NTRK2: variants seen among roughly 807,000 people sequenced by gnomAD.
The protein encoded by NTRK2 is BDNF/NT-3 growth factors receptor.
Under a neutral mutation model 94.5 loss-of-function variants are expected in NTRK2, and 13 were observed. The observed-to-expected ratio is 0.14, with a 90% CI of 0.09 to 0.22. The LOEUF (loss-of-function observed/expected upper bound fraction) is 0.22. NTRK2 is among the 10% of genes least tolerant of loss of function. The probability of loss-of-function intolerance (pLI) is 1.00; values close to 1 mark genes in which losing one functional copy is unlikely to be tolerated. For missense variants in NTRK2, 639 were observed against 1,071.2 expected (o/e 0.60, Z 5.63); for synonymous variants, 372 against 407.4 (o/e 0.91, Z 1.05).
At chr9:84,938,863 C>A (rs2078298881) in intron 15 of NTRK2, among the ~76,000 whole-genome samples, 1 of 151,900 alleles carries the variant, frequency 6.6e-6, no homozygotes, top group South Asian at 2.1e-4. Flanking sequence ...CCAGCCTGGG[C>A]AACATGATGA....
chr9:85,010,994 A>C (rs768845252), intron 17 of NTRK2, among the ~76,000 whole-genome samples: 18 of 152,092 alleles, frequency 1.2e-4, no homozygotes, highest in Non-Finnish European at 2.4e-4. Context: ...CCCTGTATAC[A>C]CCTTATTAGG....
chr9:84,874,507 G>A (rs2075994955), intron 14 of NTRK2: 1 of 1,065,662 alleles, frequency 9.4e-7, no homozygotes. Flanking sequence ...CTGCTCTGAG[G>A]TTGATTGCTG....
intron 14 of NTRK2, among the ~76,000 whole-genome samples, chr9:84,870,160 C>T (rs1237668059): frequency 7.6e-6 from 1 of 131,012 alleles, no homozygotes; most frequent in Non-Finnish European, 1.6e-5. Context: ...CACACACATA[C>T]ATGTACTGTA....
At chr9:84,673,171 T>C (rs1033053693) in intron 2 of NTRK2, among the ~76,000 whole-genome samples, 11 of 152,194 alleles carry the variant, frequency 7.2e-5, no homozygotes, top group African/African-American at 2.7e-4. Context: ...AGTGCCTTTG[T>C]CTGTAACTCG....
intron 2 of NTRK2, among the ~76,000 whole-genome samples, chr9:84,688,876 G>A (rs113359922): frequency 3.5e-4 from 53 of 152,326 alleles, no homozygotes; most frequent in African/African-American, 1.3e-3. Flanking sequence ...GGGAGTTTGT[G>A]TAGGGGAGTG....
At chr9:84,695,633 G>A (rs2060329582) in intron 2 of NTRK2, among the ~76,000 whole-genome samples, 1 of 152,196 alleles carries the variant, frequency 6.6e-6, no homozygotes, top group African/African-American at 2.4e-5. Context: ...ATGACAAATA[G>A]CATGTACTGT....
At chr9:84,922,726 G>A (rs2077608122) in intron 14 of NTRK2, among the ~76,000 whole-genome samples, 5 of 152,156 alleles carry the variant, frequency 3.3e-5, no homozygotes, top group Admixed American at 2.6e-4. Flanking sequence ...CACAGCTAAT[G>A]TGCAATTAAC....
At chr9:85,017,222 C>T (rs1355019441) in intron 17 of NTRK2, among the ~76,000 whole-genome samples, 1 of 152,204 alleles carries the variant, frequency 6.6e-6, no homozygotes, top group African/African-American at 2.4e-5. Context: ...AAGAAAGCCA[C>T]ACCTCAAAAG....
chr9:84,756,971 C>G (rs1170045626), intron 12 of NTRK2, among the ~76,000 whole-genome samples: 2 of 152,128 alleles, frequency 1.3e-5, no homozygotes, highest in Non-Finnish European at 2.9e-5. Flanking sequence ...GGGGCCAAAG[C>G]TAAAGAGGTT....
intron 12 of NTRK2, among the ~76,000 whole-genome samples, chr9:84,795,104 T>C (rs1255722936): frequency 6.6e-6 from 1 of 152,112 alleles, no homozygotes; most frequent in Non-Finnish European, 1.5e-5. Context: ...AAAACTGGGA[T>C]TATATTCCGA....
At chr9:84,715,348 T>C (rs2061650515) in intron 6 of NTRK2, among the ~76,000 whole-genome samples, 1 of 152,190 alleles carries the variant, frequency 6.6e-6, no homozygotes, top group South Asian at 2.1e-4. Context: ...TCATTTCTTC[T>C]TTTTTCTTTA....
Position 84,939,526 on chromosome 9 carries a change from G to A in NTRK2, c.1764+5234G>A, listed in dbSNP as rs115273687. On this transcript the variant is annotated intron_variant, in intron 15 of 18. Coordinates refer to ENST00000277120, the MANE Select transcript of NTRK2 (RefSeq NM_006180.6). ...TATAAAGGAGTGTGTTAGTTATGTCGTTTATATGGAAGGATGGGAGACATG... is the reference window on the plus strand; with the variant it reads ...TATAAAGGAGTGTGTTAGTTATGTCATTTATATGGAAGGATGGGAGACATG... 6.2e-3 allele frequency among the ~76,000 whole-genome samples: 936 copies of A among 152,184 alleles called. 4 individuals are homozygous for A. The highest frequency in any genetic ancestry group is 0.021 in the African/African-American group (888 of 41,526).
intron 12 of NTRK2, among the ~76,000 whole-genome samples, chr9:84,830,538 C>CGTGT (rs60042932): frequency 0.03 from 4,384 of 145,998 alleles, 205 homozygotes; most frequent in African/African-American, 0.1. Flanking sequence ...AGCATGCATG[C>CGTGT]GTGTGTGTGT....
chr9:84,704,580 G>T lies in NTRK2; in HGVS notation c.359+2161G>T, dbSNP rs545344132. Among the ~76,000 whole-genome samples the T allele has an allele frequency of 2.0e-3, 308 of 152,172 alleles. 3 individuals carry two copies. Among genetic ancestry groups the T allele is most frequent in the African/African-American group, 7.2e-3 (299 of 41,510 alleles). ...ATATAAAGTCAAATATCTCTCCCTA[G>T]CTTTCAGAGAAGAATTATTTTAAAA... On this transcript the variant is annotated intron_variant, in intron 4 of 18. Coordinates refer to ENST00000277120, the MANE Select transcript of NTRK2 (RefSeq NM_006180.6).
intron 2 of NTRK2, among the ~76,000 whole-genome samples, chr9:84,684,341 C>G (rs944976528): frequency 6.6e-6 from 1 of 152,012 alleles, no homozygotes; most frequent in Admixed American, 6.6e-5. Flanking sequence ...TACATTTAGG[C>G]CTTTAATCCA....
chr9:84,677,158 G>A (rs1189020745), intron 2 of NTRK2, among the ~76,000 whole-genome samples: 1 of 152,198 alleles, frequency 6.6e-6, no homozygotes, highest in Non-Finnish European at 1.5e-5. Flanking sequence ...GAAACCTGTT[G>A]CCCCTGGAGT....
chr9:84,780,857 A>G (rs1034766310), intron 12 of NTRK2, among the ~76,000 whole-genome samples: 2 of 152,212 alleles, frequency 1.3e-5, no homozygotes, highest in Admixed American at 6.5e-5. Context: ...GCTATGAGCT[A>G]TGAAGTTTTC....
At chr9:84,929,498 A>G (rs1477442225) in intron 14 of NTRK2, among the ~76,000 whole-genome samples, 1 of 151,472 alleles carries the variant, frequency 6.6e-6, no homozygotes, top group East Asian at 1.9e-4. Flanking sequence ...CTTTTTTTTA[A>G]ATTAAGTGAT....
At chr9:84,847,318 T>C (rs1272425996) in intron 12 of NTRK2, among the ~76,000 whole-genome samples, 6 of 152,236 alleles carry the variant, frequency 3.9e-5, no homozygotes, top group Non-Finnish European at 5.9e-5. Flanking sequence ...AAGACTACTA[T>C]TGCCCAATCC....
Sources: gnomAD v4.1 joint callset for allele counts (sites outside exome capture counted in the v4.1 genomes callset) on GRCh38, gnomAD v4.1.1 for gene constraint, MANE v1.5 for transcripts, NCBI Gene and HGNC (gene_info 2026-07-23, HGNC 2026-07-21) for gene names.